OLA1: variants seen among roughly 807,000 people sequenced by gnomAD.
OLA1 encodes the protein obg-like ATPase 1.
Under a neutral mutation model 48.4 loss-of-function variants are expected in OLA1, and 14 were observed. That is an observed-to-expected ratio of 0.29 (90% CI 0.19 to 0.45). The LOEUF is 0.45. Ranked by LOEUF, OLA1 falls within the 20% of genes least tolerant of loss-of-function variation. The pLI is 1.00. For missense variants in OLA1, 325 were observed against 467.1 expected, an observed-to-expected ratio of 0.70 and a Z score of 2.80; for synonymous variants, 127 against 150.4, an observed-to-expected ratio of 0.84 and a Z score of 1.14.
At chr2:174,214,935 A>G (rs1688328913) in intron 4 of OLA1, among the ~76,000 whole-genome samples, 1 of 151,994 alleles carries the variant, frequency 6.6e-6, no homozygotes, top group South Asian at 2.1e-4. Flanking sequence ...CTGGAATTCC[A>G]GCTACTGGGG....
At position 174,167,260 on chromosome 2, in the gene OLA1, A is replaced by G. The variant is rs186165151; in HGVS notation, c.374-25260T>C. On this transcript the variant is annotated intron_variant, in intron 4 of 10. Transcript: ENST00000284719. The stretch of plus-strand genomic sequence containing the variant: ...ACATGAGAGATAGGACTCTGGCACA[A>G]GTAAATTCAGAATTTATAGAAATAC... Among the ~76,000 whole-genome samples the G allele has an allele frequency of 1.6e-4, 24 of 152,344 alleles. No individual in the cohort carries two copies. The East Asian group carries it at 3.9e-3, about 24-fold the overall frequency.
At chr2:174,210,439 A>G (rs1688216126) in intron 4 of OLA1, among the ~76,000 whole-genome samples, 1 of 152,216 alleles carries the variant, frequency 6.6e-6, no homozygotes, top group South Asian at 2.1e-4. Context: ...AACATGTATT[A>G]CAAAGTTACA....
intron 4 of OLA1, among the ~76,000 whole-genome samples, chr2:174,191,824 A>G (rs894441024): frequency 3.3e-5 from 5 of 152,144 alleles, no homozygotes; most frequent in South Asian, 2.1e-4. Context: ...TGCATTATCT[A>G]AATTCTTCCT....
intron 3 of OLA1, among the ~76,000 whole-genome samples, chr2:174,228,171 T>C (rs1688654535): frequency 1.3e-5 from 2 of 152,312 alleles, no homozygotes; most frequent in South Asian, 2.1e-4. Context: ...TATAGAAATC[T>C]GGAGTTCTGC....
chr2:174,230,276 T>C (rs1688698726), intron 2 of OLA1, among the ~76,000 whole-genome samples: 1 of 152,084 alleles, frequency 6.6e-6, no homozygotes, highest in Non-Finnish European at 1.5e-5. Flanking sequence ...CAAAACAAAA[T>C]TTTAAACTCA....
At chr2:174,079,416 A>G (rs1028282925) in intron 9 of OLA1, 2 of 173,848 alleles carry the variant, frequency 1.2e-5, no homozygotes, top group African/African-American at 2.4e-5. Context: ...ATAGATTTTT[A>G]AGTAACTTTC....
chr2:174,241,477 A>T (rs1296579126), intron 2 of OLA1, among the ~76,000 whole-genome samples: 1 of 152,148 alleles, frequency 6.6e-6, no homozygotes, highest in Admixed American at 6.5e-5. Context: ...ATTGGTCTGC[A>T]GAAATTTGGG....
chr2:174,233,279 T>A (rs1688772019), intron 2 of OLA1, among the ~76,000 whole-genome samples: 1 of 152,170 alleles, frequency 6.6e-6, no homozygotes, highest in Admixed American at 6.5e-5. Flanking sequence ...TTACGCAAGA[T>A]GAAAAAGTTC....
chr2:174,175,046 A>G (rs866821988), intron 4 of OLA1, among the ~76,000 whole-genome samples: 9 of 152,168 alleles, frequency 5.9e-5, no homozygotes, highest in Non-Finnish European at 8.8e-5. Flanking sequence ...TAATTCTGGA[A>G]AAACTATGCA....
rs1383661364 is a variant in OLA1, at chr2:174,223,091, G to A, written c.315C>T (p.Gly105=). 3 of 1,613,760 alleles carry A rather than the reference G, an allele frequency of 1.9e-6. No homozygotes were observed. The highest frequency in any genetic ancestry group is 1.7e-5 in the Admixed American group (1 of 60,004). ...TATGAGATAAAAAAGCATTCCCCAG[G>A]CCCTGCCCATTGTGAGCTCCTTTCA... ...GLVKGAHNGQ[G]LGNAFLSHIS... Residue 105 remains glycine, a synonymous_variant, in exon 4 of 11, where the codon GGC becomes GGT. Transcript: ENST00000284719.
intron 4 of OLA1, among the ~76,000 whole-genome samples, chr2:174,217,161 C>T (rs1688380517): frequency 6.6e-6 from 1 of 152,154 alleles, no homozygotes; most frequent in African/African-American, 2.4e-5. Flanking sequence ...AATTTCACTA[C>T]AATTGCACCA....
At chr2:174,102,236 T>A (rs1685413931) in intron 7 of OLA1, among the ~76,000 whole-genome samples, 1 of 151,926 alleles carries the variant, frequency 6.6e-6, no homozygotes, top group Admixed American at 6.6e-5. Flanking sequence ...GGTCCTGCAG[T>A]CTGTTTTAAT....
At chr2:174,114,532 G>A (rs1685736829) in intron 7 of OLA1, among the ~76,000 whole-genome samples, 1 of 151,938 alleles carries the variant, frequency 6.6e-6, no homozygotes, top group South Asian at 2.1e-4. Context: ...CATTTAAAAA[G>A]GCTAAAAATG....
chr2:174,084,754 A>C lies in OLA1; in HGVS notation c.729-2690T>G, dbSNP rs547658467. Reference sequence around the variant, plus strand: ...TGCTATTGGCACGAGGGATATAGAAAATTAAAGTTGAGCTCAGTACCACTA... The same window carrying C: ...TGCTATTGGCACGAGGGATATAGAACATTAAAGTTGAGCTCAGTACCACTA... On this transcript the variant is annotated intron_variant, in intron 7 of 10. Coordinates refer to ENST00000284719, the MANE Select transcript of OLA1 (RefSeq NM_013341.5). Among the ~76,000 whole-genome samples the C allele has an allele frequency of 3.0e-4, 45 of 152,326 alleles. No homozygotes were observed. In the South Asian group the frequency reaches 8.1e-3, roughly 27 times the overall value.
chr2:174,127,848 A>G (rs1189427440), intron 5 of OLA1, among the ~76,000 whole-genome samples: 1 of 152,100 alleles, frequency 6.6e-6, no homozygotes, highest in East Asian at 1.9e-4. Context: ...ATCCTGTCCA[A>G]TACTGCACTG....
At chr2:174,211,400 C>T (rs1688240708) in intron 4 of OLA1, among the ~76,000 whole-genome samples, 1 of 152,134 alleles carries the variant, frequency 6.6e-6, no homozygotes, top group Non-Finnish European at 1.5e-5. Flanking sequence ...CCATGATTAG[C>T]CCAGCTTAAA....
At chr2:174,192,609 A>G (rs897449584) in intron 4 of OLA1, among the ~76,000 whole-genome samples, 5 of 152,212 alleles carry the variant, frequency 3.3e-5, no homozygotes, top group African/African-American at 9.6e-5. Context: ...TAGCAATAAA[A>G]TATCAATTTT....
intron 4 of OLA1, among the ~76,000 whole-genome samples, chr2:174,193,873 T>C (rs1178500772): frequency 1.3e-5 from 2 of 152,200 alleles, no homozygotes; most frequent in African/African-American, 2.4e-5. Flanking sequence ...TCTGTTGTTC[T>C]GAGCAAGGCT....
At chr2:174,134,799 A>G (rs1169968673) in intron 5 of OLA1, among the ~76,000 whole-genome samples, 1 of 152,210 alleles carries the variant, frequency 6.6e-6, no homozygotes, top group African/African-American at 2.4e-5. Context: ...ATAGTTTACC[A>G]CAATAAAAAA....
Sources: gnomAD v4.1 joint callset for allele counts (sites outside exome capture counted in the v4.1 genomes callset) on GRCh38, gnomAD v4.1.1 for gene constraint, MANE v1.5 for transcripts, NCBI Gene and HGNC (gene_info 2026-07-23, HGNC 2026-07-21) for gene names.